Variants in FLT1 observed in about 807,000 individuals in gnomAD.
The protein encoded by FLT1 is vascular endothelial growth factor receptor 1.
In FLT1, 49 loss-of-function variants were observed where a neutral mutation model predicts 156.3. The observed-to-expected ratio is 0.31, with a 90% confidence interval of 0.25 to 0.40. The LOEUF is 0.40. FLT1 is among the 10% of genes least tolerant of loss of function. The pLI is 1.00. For synonymous variants in FLT1, 594 were observed against 583.8 expected, an observed-to-expected ratio of 1.02 and a Z score of -0.25; for missense variants, 1,322 against 1,637.2, an observed-to-expected ratio of 0.81 and a Z score of 3.32.
chr13:28,355,698 A>G (rs910379363), intron 15 of FLT1, among the ~76,000 whole-genome samples: 1 of 152,196 alleles, frequency 6.6e-6, no homozygotes, highest in South Asian at 2.1e-4. Flanking sequence ...GCTTGGCGTT[A>G]TGTGGCAAGT....
chr13:28,434,372 AGTTT>A, intron 4 of FLT1, 152 bp from the exon 5 acceptor site: 1 of 711,986 alleles, frequency 1.4e-6, no homozygotes, highest in South Asian at 1.8e-5. Flanking sequence ...TAAAAACTCT[AGTTT>A]GTTATAATTG....
chr13:28,352,829 T>G (rs181374199), intron 15 of FLT1, among the ~76,000 whole-genome samples: 3 of 152,192 alleles, frequency 2.0e-5, no homozygotes. Context: ...AGGAGTGAAT[T>G]TGGGGGCAGG....
In FLT1 at chr13:28,322,307, G is replaced by A. The variant is rs770495905; in HGVS notation, c.3006C>T (p.Tyr1002=). 1.9e-6 allele frequency: 3 copies of A among 1,613,586 alleles called. No homozygotes were observed. The highest frequency in any genetic ancestry group is 1.7e-4 in the Middle Eastern group (1 of 6,058). The change falls in exon 22 of 30, where the codon TAC becomes TAT. Residue 1002 remains tyrosine, a synonymous_variant. Coordinates refer to ENST00000282397, the MANE Select transcript of FLT1 (RefSeq NM_002019.4). The surrounding 1 kb of genome is among the most constrained non-coding windows in gnomAD (Gnocchi z 4.3). ...EPITMEDLIS[Y]SFQVARGMEF... is the part of the protein sequence containing the mutation. Reference sequence around the variant, plus strand: ...CCATGCCTCTGGCCACTTGAAAACTGTAAGAAATCAGATCTTCCATAGTGA... The same window carrying A: ...CCATGCCTCTGGCCACTTGAAAACTATAAGAAATCAGATCTTCCATAGTGA...
At chr13:28,417,852 A>G (rs1876751477) in intron 10 of FLT1, among the ~76,000 whole-genome samples, 1 of 151,440 alleles carries the variant, frequency 6.6e-6, no homozygotes, top group Non-Finnish European at 1.5e-5. Flanking sequence ...TGAAATTAGC[A>G]GCCTCTATGT....
chr13:28,325,440 G>A (rs1261204079), intron 20 of FLT1, among the ~76,000 whole-genome samples: 1 of 152,098 alleles, frequency 6.6e-6, no homozygotes, highest in East Asian at 1.9e-4. Flanking sequence ...GTCCTTAAGC[G>A]AATCACTTGA....
At chr13:28,457,933 CTT>C (rs894090277) in intron 3 of FLT1, among the ~76,000 whole-genome samples, 3 of 114,170 alleles carry the variant, frequency 2.6e-5, no homozygotes, top group Admixed American at 1.0e-4. Flanking sequence ...CTTTCCTTTT[CTT>C]TTTTTTTTTT....
In FLT1 at chr13:28,342,946, TTCTC is replaced by T. The variant is rs61022115; in HGVS notation, c.2355+2495_2355+2498del. On this transcript the variant is annotated intron_variant, in intron 16 of 29. Transcript: ENST00000282397. ...GAGGTACCATAATTTCTTTCTTTCT[TTCTC>T]TCTCTCTCTCTCTCTCTCTTTCTTT... 2.7e-3 allele frequency among the ~76,000 whole-genome samples: 389 copies of T among 142,900 alleles called. 3 individuals are homozygous for T. The highest frequency in any genetic ancestry group is 9.4e-3 in the African/African-American group (350 of 37,226). The allele number at this position is 142,900 out of a possible 152,430, so 93.7% of individuals were successfully genotyped here. A position where few individuals can be genotyped will look rare whatever the true frequency, so the allele number is the denominator to read the frequency against.
rs548034358 is a variant in FLT1, at chr13:28,430,554, T to C, written c.989-387A>G. ...AACCAATTTGATATCAAAAATCAAC[T>C]GGAGAAAGACAAAAGGAAATAAAGG... is the stretch of plus-strand genomic sequence containing the variant. On this transcript the variant is annotated intron_variant, in intron 7 of 29. Transcript: ENST00000282397. Among the ~76,000 whole-genome samples, 15 of 152,304 alleles carry C rather than the reference T, an allele frequency of 9.8e-5. No homozygotes were observed. In the South Asian group the frequency reaches 3.1e-3, roughly 32 times the overall value.
intron 14 of FLT1, among the ~76,000 whole-genome samples, chr13:28,369,362 T>A (rs1873447626): frequency 6.6e-6 from 1 of 152,038 alleles, no homozygotes; most frequent in South Asian, 2.1e-4. Flanking sequence ...CTGTCTCTAC[T>A]AAAACTACAA....
At chr13:28,407,482 C>T (rs2137496942) in intron 10 of FLT1, among the ~76,000 whole-genome samples, 1 of 152,148 alleles carries the variant, frequency 6.6e-6, no homozygotes, top group Middle Eastern at 3.4e-3. Flanking sequence ...CATTTTAGCC[C>T]TATGTACTTC....
intron 20 of FLT1, 75 bp from the exon 21 acceptor site, chr13:28,323,021 C>G (rs1871531996): frequency 6.8e-7 from 1 of 1,469,354 alleles, no homozygotes; most frequent in South Asian, 1.1e-5. Context: ...CCTCAACTGG[C>G]AATCGCCTGA....
rs577159803 is a variant in FLT1 at position 28,424,195 on chromosome 13, TC to T, written c.1436+2963del. On this transcript the variant is annotated intron_variant, in intron 10 of 29. Coordinates refer to ENST00000282397, the MANE Select transcript of FLT1 (RefSeq NM_002019.4). ...CTCAGGTGATCCTCCTGCCTTGGCC[TC>T]CCAAGGTGTTGGGATTACAGGTATG... Among the ~76,000 whole-genome samples the T allele has an allele frequency of 3.6e-3, 540 of 152,074 alleles. 2 individuals are homozygous for T. The highest frequency in any genetic ancestry group is 0.012 in the African/African-American group (515 of 41,476).
chr13:28,385,981 C>G, intron 13 of FLT1: 2 of 1,051,164 alleles, frequency 1.9e-6, no homozygotes, highest in Non-Finnish European at 2.3e-6. Context: ...ATGTCTTTCC[C>G]ACCCTCCCAA....
intron 10 of FLT1, among the ~76,000 whole-genome samples, chr13:28,413,854 C>G (rs536157162): frequency 2.0e-5 from 3 of 152,300 alleles, no homozygotes; most frequent in African/African-American, 7.2e-5. Context: ...TAGAGCTAGT[C>G]AGACCTGAGG....
At chr13:28,384,448 C>CAAAAAAAAAA (rs79860949) in intron 14 of FLT1, among the ~76,000 whole-genome samples, 2 of 60,270 alleles carry the variant, frequency 3.3e-5, no homozygotes, top group African/African-American at 1.1e-4. Flanking sequence ...GACTCCATCT[C>CAAAAAAAAAA]AAAAAAAAAA....
chr13:28,385,209 C>T (rs531473509), intron 13 of FLT1, among the ~76,000 whole-genome samples, 178 bp from the exon 14 acceptor site: 53 of 152,220 alleles, frequency 3.5e-4, no homozygotes, highest in African/African-American at 1.1e-3. Flanking sequence ...TAAGATGCTA[C>T]GATAAATTGA....
In FLT1 at chr13:28,323,026, G is replaced by A. The variant is rs17086548; in HGVS notation, c.2797-80C>T. 4.4e-3 allele frequency: 6,319 copies of A among 1,439,376 alleles called. 359 individuals are homozygous for A. In the Admixed American group the frequency reaches 0.092, roughly 21 times the overall value. 89.2% of individuals were successfully genotyped at this position (1,439,376 alleles called of 1,614,324 possible). A position where few individuals can be genotyped will look rare whatever the true frequency, so the allele number is the denominator to read the frequency against. On this transcript the variant is annotated intron_variant, in intron 20 of 29. Transcript: ENST00000282397. Reference sequence around the variant, plus strand: ...GAAACCAGTCCCTCAACTGGCAATCGCCTGATGAGAAATGAGAGCGTTTCA... The same window carrying A: ...GAAACCAGTCCCTCAACTGGCAATCACCTGATGAGAAATGAGAGCGTTTCA...
chr13:28,362,857 C>T (rs994298460), intron 14 of FLT1, among the ~76,000 whole-genome samples: 1 of 152,040 alleles, frequency 6.6e-6, no homozygotes, highest in Admixed American at 6.6e-5. Flanking sequence ...GAGAAGGTGT[C>T]CAAATTCAAC....
chr13:28,461,838 G>A (rs673603), intron 3 of FLT1, among the ~76,000 whole-genome samples: 21,282 of 152,066 alleles, frequency 0.14, 2,598 homozygotes, highest in African/African-American at 0.33. Flanking sequence ...TTCTACCTCA[G>A]ATTATGCCGC....
Sources: allele counts gnomAD v4.1 joint callset (sites outside exome capture counted in the v4.1 genomes callset), GRCh38; gene constraint gnomAD v4.1.1; non-coding constraint Gnocchi (gnomAD v3.1); transcripts MANE v1.5; gene names NCBI Gene and HGNC (gene_info 2026-07-23, HGNC 2026-07-21).